The following LMCD1 variants were observed in gnomAD, a reference collection of about 807,000 sequenced individuals.
LMCD1 encodes LIM and cysteine-rich domains protein 1.
LMCD1 carries 32 observed loss-of-function variants against 42.7 expected under a neutral mutation model. The ratio of observed to expected loss-of-function variants is 0.75; its 90% confidence interval spans 0.57 to 1.01. The LOEUF (loss-of-function observed/expected upper bound fraction) is 1.01, where lower values mean the gene tolerates loss of function less well. Among genes scored for constraint, LMCD1 ranks in the 50% least tolerant of loss-of-function variants. The pLI is 0.00. For synonymous variants in LMCD1, 178 were observed against 184.9 expected (o/e 0.96, Z 0.30); for missense variants, 458 against 483.1 (o/e 0.95, Z 0.49).
At chr3:8,506,781 G>A (rs554993907) in intron 1 of LMCD1, among the ~76,000 whole-genome samples, 2 of 152,148 alleles carry the variant, frequency 1.3e-5, no homozygotes, top group African/African-American at 2.4e-5. Context: ...AACTGCAGGC[G>A]TTTACTCACT....
chr3:8,553,622 G>A (rs905794216), intron 4 of LMCD1, among the ~76,000 whole-genome samples: 1 of 152,132 alleles, frequency 6.6e-6, no homozygotes, highest in Non-Finnish European at 1.5e-5. Flanking sequence ...GACGAGACGG[G>A]GCCACCTAAA....
chr3:8,506,701 C>T (rs2125008975), intron 1 of LMCD1, among the ~76,000 whole-genome samples: 1 of 152,326 alleles, frequency 6.6e-6, no homozygotes, highest in South Asian at 2.1e-4. Flanking sequence ...ATCTCCCAAC[C>T]ATTCATCCAA....
At chr3:8,566,661 A>G (rs932432060) in intron 5 of LMCD1, among the ~76,000 whole-genome samples, 2 of 152,186 alleles carry the variant, frequency 1.3e-5, no homozygotes, top group African/African-American at 2.4e-5. Flanking sequence ...TATCACAACA[A>G]TCCTTTAGGG....
Position 8,570,921 on chromosome 3 carries a change from T to G in LMCD1, c.*3323T>G, listed in dbSNP as rs531065763. On this transcript the variant is annotated 3_prime_UTR_variant, in exon 6 of 6. Coordinates refer to ENST00000157600, the MANE Select transcript of LMCD1 (RefSeq NM_014583.4). The stretch of plus-strand genomic sequence containing the variant: ...CCCTGCTTTCCTCACCTCTGTACCA[T>G]CACTCACGCTGTGCTTTTTGCCTGC... 6.6e-6 allele frequency: 1 copy of G among 152,368 alleles called. No homozygotes were observed. The highest frequency in any genetic ancestry group is 2.1e-4 in the South Asian group (1 of 4,818). 9.4% of individuals were successfully genotyped at this position (152,368 alleles called of 1,614,324 possible).
intron 4 of LMCD1, chr3:8,549,959 C>G: frequency 8.2e-7 from 1 of 1,214,556 alleles, no homozygotes. Flanking sequence ...GCCCTCACGA[C>G]CCAATCATCT....
intron 4 of LMCD1, among the ~76,000 whole-genome samples, chr3:8,563,658 C>T (rs2125040386): frequency 6.6e-6 from 1 of 152,268 alleles, no homozygotes; most frequent in South Asian, 2.1e-4. Context: ...AGATACTTGG[C>T]CCTGGAGGAG....
chr3:8,514,048 A>G (rs1042622899), intron 1 of LMCD1, among the ~76,000 whole-genome samples: 2 of 151,300 alleles, frequency 1.3e-5, no homozygotes, highest in African/African-American at 4.9e-5. Flanking sequence ...TTGAATATTT[A>G]TGTGTGTGTG....
chr3:8,534,023 A>G (rs1348531426), intron 2 of LMCD1, among the ~76,000 whole-genome samples: 5 of 151,908 alleles, frequency 3.3e-5, no homozygotes, highest in African/African-American at 1.2e-4. Context: ...GGAGTTCTCC[A>G]CACTTACTAT....
intron 1 of LMCD1, among the ~76,000 whole-genome samples, chr3:8,519,694 C>A (rs1694162261): frequency 6.7e-6 from 1 of 149,546 alleles, no homozygotes; most frequent in Admixed American, 6.6e-5. Flanking sequence ...GATAAAACAT[C>A]TGAACCAAAA....
At chr3:8,517,910 T>C (rs1446740198) in intron 1 of LMCD1, among the ~76,000 whole-genome samples, 1 of 152,194 alleles carries the variant, frequency 6.6e-6, no homozygotes, top group African/African-American at 2.4e-5. Context: ...GAGAACAAAA[T>C]TCATGAAGGA....
chr3:8,505,362 T>C (rs1218806937), intron 1 of LMCD1, among the ~76,000 whole-genome samples: 1 of 152,222 alleles, frequency 6.6e-6, no homozygotes, highest in Non-Finnish European at 1.5e-5. Flanking sequence ...TTGCCAGTTA[T>C]TGAGCATTTC....
In LMCD1 at chr3:8,513,568, C is replaced by T. The variant is rs373321743; in HGVS notation, c.42+11588C>T. Among the ~76,000 whole-genome samples the T allele has an allele frequency of 2.2e-4, 34 of 152,156 alleles. No homozygotes were observed. In the East Asian group the frequency reaches 6.6e-3, roughly 29 times the overall value. On this transcript the variant is annotated intron_variant, in intron 1 of 5. Transcript: ENST00000157600. ...GTCATAAACACTCAAGAAAAATCAG[C>T]ACTGTTCTACATGCATACATGTAGA...
intron 1 of LMCD1, among the ~76,000 whole-genome samples, chr3:8,505,400 C>T (rs1693859935): frequency 6.6e-6 from 1 of 152,118 alleles, no homozygotes. Context: ...TGTTAGGCCT[C>T]GAAGGGGACT....
chr3:8,506,789 A>C (rs539041591), intron 1 of LMCD1, among the ~76,000 whole-genome samples: 1 of 152,280 alleles, frequency 6.6e-6, no homozygotes, highest in Admixed American at 6.5e-5. Flanking sequence ...GCGTTTACTC[A>C]CTGGGTGACT....
At chr3:8,504,086 T>C (rs544244168) in intron 1 of LMCD1, among the ~76,000 whole-genome samples, 1 of 152,250 alleles carries the variant, frequency 6.6e-6, no homozygotes, top group African/African-American at 2.4e-5. Flanking sequence ...AGAGAAAGAA[T>C]GTGGTGGGTA....
rs1694833409 is a variant in LMCD1, at chr3:8,551,218, T to G, written c.723+2315T>G. ...TCTGTAGATGCTGAGGTCTTGTTCATCTCTTTATTTGCATTGATATACATA... is the reference window on the plus strand; with the variant it reads ...TCTGTAGATGCTGAGGTCTTGTTCAGCTCTTTATTTGCATTGATATACATA... On this transcript the variant is annotated intron_variant, in intron 4 of 5. Coordinates refer to ENST00000157600, the MANE Select transcript of LMCD1 (RefSeq NM_014583.4). 2.5e-5 allele frequency: 25 copies of G among 984,988 alleles called. No homozygotes were observed. The South Asian group carries it at 9.4e-4, about 37-fold the overall frequency. The allele number at this position is 984,988 out of a possible 1,614,324, so 61.0% of individuals were successfully genotyped here. A position where few individuals can be genotyped will look rare whatever the true frequency, so the allele number is the denominator to read the frequency against.
Position 8,567,542 on chromosome 3 carries a change from A to G in LMCD1, c.1042A>G (p.Ile348Val), listed in dbSNP as rs928665381. Residue 348 changes from isoleucine to valine, a missense_variant, in exon 6 of 6, where the codon ATC (isoleucine) becomes GTC (valine). Coordinates refer to ENST00000157600, the MANE Select transcript of LMCD1 (RefSeq NM_014583.4). ...GCAGCTGCTGAGCGGCCGGGCGTAC[A>G]TCGTCACCAAGGGTCAGCTTCTGTG... ...CEQLLSGRAYIVTKGQLLCPT... is the reference protein window; with the variant it reads ...CEQLLSGRAYVVTKGQLLCPT... 3 of 1,613,802 alleles carry G rather than the reference A, an allele frequency of 1.9e-6. No individual in the cohort carries two copies. Among genetic ancestry groups the G allele is most frequent in the African/African-American group, 1.3e-5 (1 of 74,844 alleles).
chr3:8,511,977 T>C (rs574062886), intron 1 of LMCD1, among the ~76,000 whole-genome samples: 127 of 152,224 alleles, frequency 8.3e-4, no homozygotes, highest in African/African-American at 3.0e-3. Flanking sequence ...GAAAAAAAGG[T>C]AGCCAAAAAT....
intron 4 of LMCD1, among the ~76,000 whole-genome samples, chr3:8,560,411 C>T (rs906923972): frequency 6.6e-6 from 1 of 152,094 alleles, no homozygotes; most frequent in African/African-American, 2.4e-5. Context: ...GGGTGCCTGC[C>T]GGTGCTCCCC....
Sources: allele counts gnomAD v4.1 joint callset (sites outside exome capture counted in the v4.1 genomes callset), GRCh38; gene constraint gnomAD v4.1.1; transcripts MANE v1.5; gene names NCBI Gene and HGNC (gene_info 2026-07-23, HGNC 2026-07-21).